Variants in DYNC1I1 observed in about 807,000 individuals in gnomAD.
DYNC1I1 encodes cytoplasmic dynein 1 intermediate chain 1.
In DYNC1I1, 43 loss-of-function variants were observed where a neutral mutation model predicts 86.6. That is an observed-to-expected ratio of 0.50 (90% CI 0.39 to 0.64). The LOEUF (loss-of-function observed/expected upper bound fraction) is 0.64, where lower values mean the gene tolerates loss of function less well. Ranked by LOEUF, DYNC1I1 falls within the 30% of genes least tolerant of loss-of-function variation. The pLI is 0.00. For missense variants in DYNC1I1, 604 were observed against 788.8 expected (o/e 0.77, Z 2.81); for synonymous variants, 262 against 283.7 (o/e 0.92, Z 0.77).
intron 10 of DYNC1I1, among the ~76,000 whole-genome samples, chr7:95,998,024 T>C (rs1215437101): frequency 6.6e-6 from 1 of 152,258 alleles, no homozygotes; most frequent in Non-Finnish European, 1.5e-5. Flanking sequence ...GATAACATAA[T>C]AAAGGCAATT....
At chr7:95,940,762 G>T (rs1253448608) in intron 6 of DYNC1I1, among the ~76,000 whole-genome samples, 1 of 152,190 alleles carries the variant, frequency 6.6e-6, no homozygotes, top group East Asian at 1.9e-4. Context: ...CTGTAGCTCA[G>T]AGTAGTTTGA....
chr7:95,908,182 G>A lies in DYNC1I1; in HGVS notation c.490+38184G>A, dbSNP rs145122761. Among the ~76,000 whole-genome samples the A allele has an allele frequency of 3.2e-3, 492 of 152,232 alleles. 3 individuals are homozygous for A. The highest frequency in any genetic ancestry group is 0.011 in the African/African-American group (455 of 41,554). On this transcript the variant is annotated intron_variant, in intron 6 of 16. Transcript: ENST00000447467. ...TGGAGACTACCCGTGCAAGGAGACT[G>A]CACTTATAGAGTTTAATAAAAATGT...
chr7:95,941,613 A>G (rs1238661469), intron 6 of DYNC1I1, among the ~76,000 whole-genome samples: 1 of 152,226 alleles, frequency 6.6e-6, no homozygotes, highest in Admixed American at 6.5e-5. Context: ...AGCCAGGTGC[A>G]GGATATAATC....
intron 6 of DYNC1I1, among the ~76,000 whole-genome samples, chr7:95,952,837 C>T (rs992463338): frequency 1.3e-4 from 20 of 151,878 alleles, no homozygotes; most frequent in Middle Eastern, 3.2e-3. Flanking sequence ...GTGTCTCTTT[C>T]TTCATTTTTG....
rs1259904191 is a variant in DYNC1I1, at chr7:96,068,697, C to T, written c.1510-7360C>T. The stretch of plus-strand genomic sequence containing the variant: ...GGAAACTAGAAAATGTTTACCTGAG[C>T]ATGTGAGAAATAAATATGAAGGGGG... On this transcript the variant is annotated intron_variant, in intron 14 of 16. Transcript: ENST00000447467. Among the ~76,000 whole-genome samples, 5 of 152,094 alleles carry T rather than the reference C, an allele frequency of 3.3e-5. No homozygotes were observed. The East Asian group carries it at 5.8e-4, about 18-fold the overall frequency.
intron 6 of DYNC1I1, among the ~76,000 whole-genome samples, chr7:95,905,485 T>C (rs963897929): frequency 6.6e-6 from 1 of 152,164 alleles, no homozygotes; most frequent in African/African-American, 2.4e-5. Context: ...AAGGCCACTG[T>C]CATTTTTCCT....
At chr7:95,848,416 C>A (rs559928609) in intron 5 of DYNC1I1, among the ~76,000 whole-genome samples, 1 of 152,164 alleles carries the variant, frequency 6.6e-6, no homozygotes, top group Admixed American at 6.5e-5. Context: ...CCCCTGATAA[C>A]CTTACCTTCC....
At chr7:95,962,848 T>A (rs866137089) in intron 6 of DYNC1I1, among the ~76,000 whole-genome samples, 1 of 152,198 alleles carries the variant, frequency 6.6e-6, no homozygotes, top group Admixed American at 6.6e-5. Flanking sequence ...ACTATCCTCC[T>A]GGGTCATGGC....
intron 5 of DYNC1I1, among the ~76,000 whole-genome samples, chr7:95,835,934 A>T (rs953790234): frequency 6.6e-6 from 1 of 152,166 alleles, no homozygotes; most frequent in East Asian, 1.9e-4. Context: ...CCAATTTGCC[A>T]GTCTGTATCT....
intron 5 of DYNC1I1, among the ~76,000 whole-genome samples, chr7:95,854,937 G>A (rs1418471473): frequency 6.6e-6 from 1 of 152,170 alleles, no homozygotes; most frequent in Non-Finnish European, 1.5e-5. Flanking sequence ...CCAAAGCTTG[G>A]TGATAGGTAT....
At chr7:95,899,731 C>G (rs1790984835) in intron 6 of DYNC1I1, among the ~76,000 whole-genome samples, 1 of 152,122 alleles carries the variant, frequency 6.6e-6, no homozygotes, top group Non-Finnish European at 1.5e-5. Context: ...TTCAATGTTT[C>G]TAGCATGTTA....
intron 1 of DYNC1I1, among the ~76,000 whole-genome samples, chr7:95,774,785 G>A (rs1793799665): frequency 6.6e-6 from 1 of 152,188 alleles, no homozygotes; most frequent in South Asian, 2.1e-4. Context: ...TAAAAACAGC[G>A]ATGTAGACCA....
chr7:95,799,339 A>T (rs1794522439), intron 1 of DYNC1I1, among the ~76,000 whole-genome samples: 1 of 152,160 alleles, frequency 6.6e-6, no homozygotes, highest in African/African-American at 2.4e-5. Flanking sequence ...AGATCGGGCC[A>T]CTGCACTGCA....
At chr7:95,928,538 A>T (rs1791805392) in intron 6 of DYNC1I1, among the ~76,000 whole-genome samples, 1 of 152,130 alleles carries the variant, frequency 6.6e-6, no homozygotes, top group Non-Finnish European at 1.5e-5. Context: ...ACTGCCACAC[A>T]GGCTGCAGGG....
chr7:96,020,666 A>C (rs1000557702), intron 10 of DYNC1I1, among the ~76,000 whole-genome samples: 1 of 152,182 alleles, frequency 6.6e-6, no homozygotes, highest in Non-Finnish European at 1.5e-5. Context: ...TATGTACCCA[A>C]AATAATTGAA....
chr7:96,012,943 A>G (rs745981512), intron 10 of DYNC1I1, among the ~76,000 whole-genome samples: 3 of 151,992 alleles, frequency 2.0e-5, no homozygotes, highest in Non-Finnish European at 2.9e-5. Flanking sequence ...GTTTGCTTAC[A>G]TGAGTAAGTT....
chr7:96,075,581 A>G (rs892984550), intron 14 of DYNC1I1, among the ~76,000 whole-genome samples: 1 of 152,218 alleles, frequency 6.6e-6, no homozygotes, highest in Admixed American at 6.5e-5. Context: ...AGGTAGCAGC[A>G]GCTGTTGCAG....
intron 5 of DYNC1I1, among the ~76,000 whole-genome samples, chr7:95,857,088 C>T (rs772700314): frequency 7.2e-5 from 11 of 152,204 alleles, no homozygotes; most frequent in South Asian, 2.1e-4. Context: ...ATGGAGAAGA[C>T]GCTTGAGTGT....
At chr7:95,875,142 C>T (rs1266950663) in intron 6 of DYNC1I1, among the ~76,000 whole-genome samples, 12 of 152,146 alleles carry the variant, frequency 7.9e-5, no homozygotes, top group Admixed American at 5.9e-4. Context: ...AGTTCAGCTT[C>T]CCATAATGTT....
Sources: allele counts gnomAD v4.1 joint callset (sites outside exome capture counted in the v4.1 genomes callset), GRCh38; gene constraint gnomAD v4.1.1; transcripts MANE v1.5; gene names NCBI Gene and HGNC (gene_info 2026-07-23, HGNC 2026-07-21).